Variants in SNX4 observed in about 807,000 individuals in gnomAD.
The protein encoded by SNX4 is sorting nexin-4.
Under a neutral mutation model 70.8 loss-of-function variants are expected in SNX4, and 49 were observed. The ratio of observed to expected loss-of-function variants is 0.69; its 90% CI spans 0.55 to 0.88. SNX4 has a LOEUF of 0.88. Ranked by LOEUF, SNX4 falls within the 40% of genes least tolerant of loss-of-function variation. The pLI is 0.00. For missense variants in SNX4, 528 were observed against 544.8 expected (o/e 0.97, Z 0.31); for synonymous variants, 206 against 183.8 (o/e 1.12, Z -0.98).
intron 5 of SNX4, among the ~76,000 whole-genome samples, chr3:125,493,737 G>A (rs555506203): frequency 2.7e-5 from 4 of 150,900 alleles, no homozygotes; most frequent in Non-Finnish European, 5.9e-5. Flanking sequence ...AAAATCTTAC[G>A]AAAATATTGC....
intron 1 of SNX4, among the ~76,000 whole-genome samples, chr3:125,509,752 C>CAAAAAA (rs202049305): frequency 7.3e-5 from 5 of 68,714 alleles, no homozygotes; most frequent in Non-Finnish European, 8.6e-5. Flanking sequence ...GAATCTGTCT[C>CAAAAAA]AAAAAAAAAA....
In SNX4 at chr3:125,451,332, T is replaced by C; in HGVS notation, c.1278A>G (p.Ala426=). The change falls in exon 13 of 14, where the codon GCA becomes GCG. Residue 426 remains alanine, a synonymous_variant. Coordinates refer to ENST00000251775, the MANE Select transcript of SNX4 (RefSeq NM_003794.4). The part of the protein sequence containing the change: ...RDLKEALISY[A]VMQISMCKKG... ...TTTTGCACATACTGATCTGCATGAC[T>C]GCATAGCTTATGAGGGCCTCCTTTA... 6.2e-7 allele frequency: 1 copy of C among 1,613,612 alleles called. No individual in the cohort carries two copies. Among genetic ancestry groups the C allele is most frequent in the South Asian group, 1.1e-5 (1 of 91,060 alleles).
At chr3:125,495,812 T>C (rs139765779) in intron 5 of SNX4, among the ~76,000 whole-genome samples, 142 of 152,338 alleles carry the variant, frequency 9.3e-4, no homozygotes, top group African/African-American at 3.2e-3. Flanking sequence ...AAAATGATTG[T>C]ATTTTAATCT....
intron 2 of SNX4, 26 bp from the exon 3 acceptor site, chr3:125,498,220 T>A: frequency 1.3e-6 from 2 of 1,591,554 alleles, no homozygotes; most frequent in Non-Finnish European, 1.7e-6. Context: ...ACAACACTTG[T>A]TATTTTTTAT....
Position 125,498,159 on chromosome 3 carries a change from G to C in SNX4, c.299C>G (p.Thr100Arg). The C allele has an allele frequency of 1.2e-6, 2 of 1,614,040 alleles. No homozygotes were observed. The highest frequency in any genetic ancestry group is 2.2e-5 in the South Asian group (2 of 91,068). ...ACTATATCGCCGCCATAGTGAGTCT[G>C]TTAGGACACTCTGACCATCGGTATG... ...VEHTDGQSVL[T>R]DSLWRRYSEF... The change falls in exon 3 of 14, where the codon ACA becomes AGA. Residue 100 changes from threonine to arginine, a missense_variant. Around this residue, in one of 3 missense-constraint regions of SNX4, gnomAD observed 341 missense variants for 312.2 expected, o/e 1.09. Coordinates refer to ENST00000251775, the MANE Select transcript of SNX4 (RefSeq NM_003794.4).
intron 6 of SNX4, among the ~76,000 whole-genome samples, chr3:125,482,934 A>G (rs949323782): frequency 5.3e-5 from 8 of 152,284 alleles, no homozygotes; most frequent in Non-Finnish European, 1.0e-4. Context: ...GAAAATGTAC[A>G]CTTGCATTTG....
rs57357708 is a variant in SNX4, at chr3:125,514,389, CTTTT to C, written c.141+5639_141+5642del. 2.9e-3 allele frequency among the ~76,000 whole-genome samples: 367 copies of C among 127,110 alleles called. 2 individuals carry two copies. Among genetic ancestry groups the C allele is most frequent in the Middle Eastern group, 3.9e-3 (1 of 258 alleles). 83.4% of individuals were successfully genotyped at this position (127,110 alleles called of 152,430 possible). A position where few individuals can be genotyped will look rare whatever the true frequency, so the allele number is the denominator to read the frequency against. On this transcript the variant is annotated intron_variant, in intron 1 of 13. Coordinates refer to ENST00000251775, the MANE Select transcript of SNX4 (RefSeq NM_003794.4). ...TTAATTTGGTGGGTTGTGACCAACA[CTTTT>C]TTTTTTTTTTTTTTTTGAGACCGAG...
At position 125,519,973 on chromosome 3, in the gene SNX4, A is replaced by AGCCCG. The variant is rs1470195549; in HGVS notation, c.141+54_141+58dup. 103 of 637,254 alleles carry AGCCCG rather than the reference A, an allele frequency of 1.6e-4. 1 individual carries two copies. Among genetic ancestry groups the AGCCCG allele is most frequent in the African/African-American group, 9.8e-4 (38 of 38,900 alleles). 39.5% of individuals were successfully genotyped at this position (637,254 alleles called of 1,614,324 possible). ...GGCCCAGCCCAGCCCAGCCCAGCCC[A>AGCCCG]GCCCGGCCCGCTAGGCCACCACACA... On this transcript the variant is annotated intron_variant, in intron 1 of 13. Transcript: ENST00000251775.
chr3:125,506,714 G>A (rs1215371961), intron 1 of SNX4, among the ~76,000 whole-genome samples: 1 of 147,976 alleles, frequency 6.8e-6, no homozygotes, highest in Non-Finnish European at 1.5e-5. Context: ...AGCCTTCCAA[G>A]CTGCTGGCAT....
intron 2 of SNX4, 78 bp downstream of exon 2, chr3:125,504,545 T>C (rs1298370585): frequency 2.9e-6 from 4 of 1,356,498 alleles, no homozygotes; most frequent in Non-Finnish European, 4.1e-6. Flanking sequence ...AAAATTCTGT[T>C]ATACAGCAGA....
intron 1 of SNX4, among the ~76,000 whole-genome samples, chr3:125,516,706 A>G (rs1194902151): frequency 6.6e-6 from 1 of 152,144 alleles, no homozygotes; most frequent in African/African-American, 2.4e-5. Flanking sequence ...TCAGGTGTAG[A>G]GGCACATGCC....
chr3:125,470,487 G>A (rs1934137960), intron 8 of SNX4, among the ~76,000 whole-genome samples: 2 of 145,442 alleles, frequency 1.4e-5, no homozygotes, highest in African/African-American at 2.6e-5. Context: ...TCCCTAAAAA[G>A]TTAAAAAAAA....
At position 125,458,940 on chromosome 3, in the gene SNX4, G is replaced by A. The variant is rs557399171; in HGVS notation, c.945-1575C>T. On this transcript the variant is annotated intron_variant, in intron 10 of 13. Coordinates refer to ENST00000251775, the MANE Select transcript of SNX4 (RefSeq NM_003794.4). ...AGTAATCCCAGCACTTTGGGAGGTC[G>A]AGGTGGGCAGATCACCTGAGGTCAG... Among the ~76,000 whole-genome samples, 6 of 151,690 alleles carry A rather than the reference G, an allele frequency of 4.0e-5. No individual in the cohort carries two copies. The South Asian group carries it at 8.3e-4, about 21-fold the overall frequency.
At chr3:125,492,789 G>C (rs929687600) in intron 5 of SNX4, among the ~76,000 whole-genome samples, 2 of 152,102 alleles carry the variant, frequency 1.3e-5, no homozygotes, top group Non-Finnish European at 2.9e-5. Context: ...CACACTGTAG[G>C]CACCAGCATT....
chr3:125,492,100 T>A (rs1236818275), intron 5 of SNX4, among the ~76,000 whole-genome samples: 3 of 72,116 alleles, frequency 4.2e-5, no homozygotes, highest in Non-Finnish European at 4.6e-5. Context: ...AGAGAAAGAC[T>A]CCATCTCAAA....
intron 1 of SNX4, among the ~76,000 whole-genome samples, chr3:125,507,237 G>T (rs1335247795): frequency 1.3e-5 from 2 of 149,308 alleles, no homozygotes; most frequent in Admixed American, 6.7e-5. Flanking sequence ...TTCTGGAGCT[G>T]AAAAGTACAA....
At chr3:125,478,173 G>C (rs1017773080) in intron 7 of SNX4, among the ~76,000 whole-genome samples, 6 of 151,782 alleles carry the variant, frequency 4.0e-5, no homozygotes, top group Admixed American at 6.6e-5. Flanking sequence ...TCTGCCTCTT[G>C]GGTTCAAGCG....
At chr3:125,519,732 G>C (rs919384776) in intron 1 of SNX4, among the ~76,000 whole-genome samples, 2 of 151,782 alleles carry the variant, frequency 1.3e-5, no homozygotes, top group Admixed American at 1.3e-4. Flanking sequence ...CCGGGGCCCA[G>C]ACCCCCACGC....
intron 6 of SNX4, among the ~76,000 whole-genome samples, chr3:125,483,320 C>T (rs144045421): frequency 1.3e-5 from 2 of 152,068 alleles, no homozygotes; most frequent in Non-Finnish European, 2.9e-5. Context: ...ATCAGATCTT[C>T]CTGTGCTGGG....
Sources: gnomAD v4.1 joint callset for allele counts (sites outside exome capture counted in the v4.1 genomes callset) on GRCh38, gnomAD v4.1.1 for gene constraint, gnomAD v4.1.1 regional missense constraint, MANE v1.5 for transcripts, NCBI Gene and HGNC (gene_info 2026-07-23, HGNC 2026-07-21) for gene names.